The following COPG2 variants were observed in gnomAD, a reference collection of about 807,000 sequenced individuals.
COPG2 encodes the protein coat protein complex I subunit gamma 2, also known as coatomer subunit gamma-2.
Under a neutral mutation model 46.3 loss-of-function variants are expected in COPG2, and 37 were observed. The observed-to-expected ratio is 0.80, with a 90% CI of 0.61 to 1.05. The LOEUF (loss-of-function observed/expected upper bound fraction) is 1.05, where lower values mean the gene tolerates loss of function less well. COPG2 is among the 50% of genes least tolerant of loss of function. The pLI is 0.00. For missense variants in COPG2, 427 were observed against 387.8 expected (o/e 1.10, Z -0.85); for synonymous variants, 159 against 129.7 (o/e 1.23, Z -1.53).
At chr7:130,652,813 G>T in intron 5 of COPG2, 56 bp downstream of exon 5, 7 of 1,124,296 alleles carry the variant, frequency 6.2e-6, no homozygotes, top group Non-Finnish European at 9.2e-6. Flanking sequence ...GAAATCAACA[G>T]AAAGCAAACA....
At chr7:130,605,071 T>C (rs1170090435) in intron 9 of COPG2, 1 of 438,292 alleles carries the variant, frequency 2.3e-6, no homozygotes, top group African/African-American at 2.0e-5. Flanking sequence ...CACCTTTGCT[T>C]CCAGATTCCA....
intron 5 of COPG2, among the ~76,000 whole-genome samples, chr7:130,628,824 C>G (rs1311349717): frequency 6.6e-6 from 1 of 152,140 alleles, no homozygotes; most frequent in African/African-American, 2.4e-5. Flanking sequence ...GCAGGAGGAT[C>G]ACTTGATGCC....
rs1308916859 is a variant in COPG2, at chr7:130,644,386, T to C, written c.323+8483A>G. Among the ~76,000 whole-genome samples, 12 of 152,162 alleles carry C rather than the reference T, an allele frequency of 7.9e-5. No homozygotes were observed. The South Asian group carries it at 1.2e-3, about 16-fold the overall frequency. ...ACTTTGAACACTCTTCAGACCATAG[T>C]AGAAAGTTAGCCCTTTTCTAGGAAC... On this transcript the variant is annotated intron_variant, in intron 5 of 23. Coordinates refer to ENST00000425248, the MANE Select transcript of COPG2 (RefSeq NM_012133.6).
At chr7:130,560,764 A>T (rs1793706167) in intron 12 of COPG2, among the ~76,000 whole-genome samples, 1 of 152,240 alleles carries the variant, frequency 6.6e-6, no homozygotes, top group African/African-American at 2.4e-5. Context: ...ATAGGTATGG[A>T]AAAAATACTG....
At chr7:130,509,557 A>T in intron 20 of COPG2, 1 of 421,360 alleles carries the variant, frequency 2.4e-6, no homozygotes, top group Admixed American at 2.5e-5. Flanking sequence ...AGATTGGGTA[A>T]TAAGACTTTC....
chr7:130,662,816 C>T (rs1161596363), intron 4 of COPG2, 151 bp downstream of exon 4: 48 of 621,528 alleles, frequency 7.7e-5, no homozygotes, highest in African/African-American at 5.3e-4. Context: ...TCCATTTTCA[C>T]GTCTTATAAT....
intron 20 of COPG2, among the ~76,000 whole-genome samples, chr7:130,514,846 A>C (rs1324930069): frequency 6.6e-6 from 1 of 152,212 alleles, no homozygotes; most frequent in Non-Finnish European, 1.5e-5. Context: ...ACAGCGCCAT[A>C]AAGATGCCTG....
chr7:130,665,501 C>T (rs1319185368), intron 3 of COPG2, among the ~76,000 whole-genome samples: 1 of 152,054 alleles, frequency 6.6e-6, no homozygotes, highest in East Asian at 1.9e-4. Flanking sequence ...TATGTTTGTA[C>T]TGAACACGTA....
chr7:130,636,631 C>T (rs981821756), intron 5 of COPG2, among the ~76,000 whole-genome samples: 1 of 142,720 alleles, frequency 7.0e-6, no homozygotes, highest in Admixed American at 7.3e-5. Context: ...CATGTGAGAT[C>T]AGTCTCCTGA....
At chr7:130,591,675 T>A (rs1261590797) in intron 9 of COPG2, among the ~76,000 whole-genome samples, 1 of 142,178 alleles carries the variant, frequency 7.0e-6, no homozygotes, top group South Asian at 2.2e-4. Flanking sequence ...CCGCCCCTAC[T>A]GGGAAGTGAG....
At chr7:130,645,060 C>G (rs1204478175) in intron 5 of COPG2, among the ~76,000 whole-genome samples, 1 of 116,606 alleles carries the variant, frequency 8.6e-6, no homozygotes, top group Non-Finnish European at 1.7e-5. Flanking sequence ...GAGACTTCAT[C>G]CCAAAAACAA....
At chr7:130,619,799 A>C (rs1297499161) in intron 5 of COPG2, among the ~76,000 whole-genome samples, 1 of 152,224 alleles carries the variant, frequency 6.6e-6, no homozygotes, top group Non-Finnish European at 1.5e-5. Flanking sequence ...TACTTGAATG[A>C]CAATTCGCTT....
intron 9 of COPG2, chr7:130,605,906 A>C (rs1350311302): frequency 2.6e-6 from 1 of 389,072 alleles, no homozygotes; most frequent in Non-Finnish European, 5.1e-6. Context: ...AAAAACTAAC[A>C]GATTTTGGTA....
At chr7:130,636,769 T>C (rs1193137910) in intron 5 of COPG2, among the ~76,000 whole-genome samples, 1 of 152,186 alleles carries the variant, frequency 6.6e-6, no homozygotes, top group Non-Finnish European at 1.5e-5. Flanking sequence ...TTCATTATGA[T>C]GCTAGCTGGC....
At chr7:130,560,539 T>C (rs1793701998) in intron 12 of COPG2, among the ~76,000 whole-genome samples, 2 of 152,110 alleles carry the variant, frequency 1.3e-5, no homozygotes, top group African/African-American at 2.4e-5. Context: ...AAAGAAAAAG[T>C]TGGAAGACCG....
intron 8 of COPG2, among the ~76,000 whole-genome samples, chr7:130,611,326 G>A (rs1304951311): frequency 6.6e-6 from 1 of 152,144 alleles, no homozygotes; most frequent in Non-Finnish European, 1.5e-5. Flanking sequence ...CAGACTGGCA[G>A]GCATAAAGGA....
intron 20 of COPG2, among the ~76,000 whole-genome samples, chr7:130,528,047 G>A (rs896378921): frequency 2.3e-4 from 35 of 152,250 alleles, no homozygotes; most frequent in Middle Eastern, 3.4e-3. Context: ...GAAGAAGAGC[G>A]TCTTGAAGAC....
chr7:130,585,538 C>A (rs1563050602), intron 9 of COPG2, among the ~76,000 whole-genome samples: 1 of 151,996 alleles, frequency 6.6e-6, no homozygotes. Context: ...GACAACCCCG[C>A]AGAGTGGGAG....
At chr7:130,629,927 T>C (rs1554454917) in intron 5 of COPG2, among the ~76,000 whole-genome samples, 1 of 151,940 alleles carries the variant, frequency 6.6e-6, no homozygotes, top group African/African-American at 2.4e-5. Context: ...CTTTCCTTTT[T>C]TTTTTTTCAG....
Sources: allele counts gnomAD v4.1 joint callset (sites outside exome capture counted in the v4.1 genomes callset), GRCh38; gene constraint gnomAD v4.1.1; transcripts MANE v1.5; gene names NCBI Gene and HGNC (gene_info 2026-07-23, HGNC 2026-07-21).